SYT16: variants seen among roughly 807,000 people sequenced by gnomAD.
SYT16 encodes the protein synaptotagmin 16, also known as synaptotagmin-16.
Under a neutral mutation model 61.4 loss-of-function variants are expected in SYT16, and 42 were observed. The ratio of observed to expected loss-of-function variants is 0.68; its 90% CI spans 0.53 to 0.89. The LOEUF (loss-of-function observed/expected upper bound fraction) is 0.89, where lower values mean the gene tolerates loss of function less well. Among genes scored for constraint, SYT16 ranks in the 40% least tolerant of loss-of-function variants. SYT16 has a pLI of 0.00. For synonymous variants in SYT16, 314 were observed against 302.3 expected (o/e 1.04, Z -0.40); for missense variants, 804 against 807.3 (o/e 1.00, Z 0.05).
chr14:62,090,940 A>G (rs1194422364), intron 7 of SYT16, among the ~76,000 whole-genome samples: 1 of 152,162 alleles, frequency 6.6e-6, no homozygotes. Context: ...AGATCTCATG[A>G]GATTTATTCA....
At chr14:62,057,450 C>G (rs1363675283) in intron 3 of SYT16, among the ~76,000 whole-genome samples, 1 of 151,946 alleles carries the variant, frequency 6.6e-6, no homozygotes, top group South Asian at 2.1e-4. Context: ...GGGGTAGGGT[C>G]GGACAAGTAA....
At chr14:61,963,359 G>A (rs950988586) in intron 1 of SYT16, among the ~76,000 whole-genome samples, 2 of 152,164 alleles carry the variant, frequency 1.3e-5, no homozygotes, top group African/African-American at 4.8e-5. Flanking sequence ...AATTAAAAGT[G>A]CTACTCCAGT....
At chr14:61,844,711 C>G (rs758093356) in intron 1 of SYT16, among the ~76,000 whole-genome samples, 1 of 152,168 alleles carries the variant, frequency 6.6e-6, no homozygotes, top group Non-Finnish European at 1.5e-5. Flanking sequence ...GTTGAACCAT[C>G]CTTGCATCCC....
chr14:62,063,108 C>T (rs2055899977), intron 3 of SYT16, among the ~76,000 whole-genome samples: 1 of 152,188 alleles, frequency 6.6e-6, no homozygotes, highest in African/African-American at 2.4e-5. Context: ...GAGCACTCCA[C>T]CTCCAGGCTT....
chr14:61,848,597 A>G (rs2046514835), intron 1 of SYT16, among the ~76,000 whole-genome samples: 1 of 152,148 alleles, frequency 6.6e-6, no homozygotes, highest in African/African-American at 2.4e-5. Context: ...TGTTTGCTCA[A>G]GAACCTTGGG....
At chr14:61,894,803 A>G (rs74940997) in intron 1 of SYT16, among the ~76,000 whole-genome samples, 3,793 of 152,292 alleles carry the variant, frequency 0.025, 57 homozygotes, top group Admixed American at 0.031. Flanking sequence ...ATGTTTTTAA[A>G]ACTTAAAATC....
At chr14:62,010,127 A>G (rs1409770581) in intron 3 of SYT16, among the ~76,000 whole-genome samples, 1 of 152,198 alleles carries the variant, frequency 6.6e-6, no homozygotes, top group Non-Finnish European at 1.5e-5. Context: ...TAGATTATAA[A>G]ATAGTCTATG....
intron 5 of SYT16, among the ~76,000 whole-genome samples, chr14:62,078,155 C>CTCTCTCTCTATATATATATATATATATA (rs766089633): frequency 7.4e-6 from 1 of 135,934 alleles, no homozygotes; most frequent in African/African-American, 2.9e-5. Context: ...CTCTCTCTCT[C>CTCTCTCTCTATATATATATATATATATA]TATATATATA....
chr14:61,927,741 C>G (rs1052204131), intron 1 of SYT16, among the ~76,000 whole-genome samples: 5 of 152,108 alleles, frequency 3.3e-5, no homozygotes, highest in African/African-American at 1.2e-4. Context: ...TTTACCCCTG[C>G]TAGGTGGGAA....
chr14:62,062,922 T>C (rs965120548), intron 3 of SYT16, among the ~76,000 whole-genome samples: 4 of 152,208 alleles, frequency 2.6e-5, no homozygotes, highest in African/African-American at 4.8e-5. Flanking sequence ...ATTAATAGGC[T>C]TGGAGCTACT....
chr14:62,062,076 G>A (rs1361186614), intron 3 of SYT16, among the ~76,000 whole-genome samples: 2 of 152,166 alleles, frequency 1.3e-5, no homozygotes, highest in Non-Finnish European at 2.9e-5. Flanking sequence ...GTTACTAATT[G>A]TAATGGAAGA....
At chr14:61,896,348 G>A (rs919159729) in intron 1 of SYT16, among the ~76,000 whole-genome samples, 4 of 152,160 alleles carry the variant, frequency 2.6e-5, no homozygotes, top group Non-Finnish European at 4.4e-5. Flanking sequence ...ACTGAAGTGA[G>A]GTTTTATCAC....
At chr14:62,024,050 A>G (rs1327592710) in intron 3 of SYT16, among the ~76,000 whole-genome samples, 3 of 152,118 alleles carry the variant, frequency 2.0e-5, no homozygotes, top group Non-Finnish European at 4.4e-5. Context: ...ATATTTTCTG[A>G]ATTTTTTCCT....
intron 1 of SYT16, among the ~76,000 whole-genome samples, chr14:61,928,025 G>C (rs1424448416): frequency 6.6e-6 from 1 of 152,186 alleles, no homozygotes; most frequent in African/African-American, 2.4e-5. Context: ...TCTGAGGGAA[G>C]GGGCTAGTTT....
chr14:61,930,357 C>G (rs1253405889), intron 1 of SYT16, among the ~76,000 whole-genome samples: 2 of 152,018 alleles, frequency 1.3e-5, no homozygotes, highest in African/African-American at 4.8e-5. Context: ...CCTCTCTCAC[C>G]TGGTCCTTTG....
In SYT16 at chr14:62,084,032, C is replaced by A. The variant is rs987242696; in HGVS notation, c.1435-164C>A. Among the ~76,000 whole-genome samples the A allele has an allele frequency of 2.0e-5, 3 of 152,214 alleles. No individual in the cohort carries two copies. The East Asian group carries it at 5.8e-4, about 29-fold the overall frequency. ...CCTAATGCAGGGATCTCATCCGTGA[C>A]TGTGCTCCCTGGGCCCATTGTAATT... On this transcript the variant is annotated intron_variant, in intron 6 of 7. Coordinates refer to ENST00000683842, the MANE Select transcript of SYT16 (RefSeq NM_001367656.1).
intron 6 of SYT16, among the ~76,000 whole-genome samples, chr14:62,082,180 C>A (rs2056733004): frequency 1.3e-5 from 2 of 152,092 alleles, no homozygotes; most frequent in Non-Finnish European, 2.9e-5. Flanking sequence ...ACAGCACATG[C>A]AAGCAGTCAG....
rs565494218 is a variant in SYT16, at chr14:61,947,862, C to T, written c.-324-22270C>T. 3.3e-5 allele frequency among the ~76,000 whole-genome samples: 5 copies of T among 152,254 alleles called. No individual in the cohort carries two copies. In the East Asian group the frequency reaches 5.8e-4, roughly 18 times the overall value. On this transcript the variant is annotated intron_variant, in intron 1 of 7. Coordinates refer to ENST00000683842, the MANE Select transcript of SYT16 (RefSeq NM_001367656.1). ...GGGACTTGGATAGGCTTTGTAGAGG[C>T]GTTGACTTTCCAGAGGGTCCTAACA...
At chr14:62,079,361 A>G (rs1162730499) in intron 5 of SYT16, 3 of 1,220,696 alleles carry the variant, frequency 2.5e-6, no homozygotes, top group East Asian at 5.7e-5. Context: ...TCTTAAAAGA[A>G]AAGGATATTT....
Sources: allele counts gnomAD v4.1 joint callset (sites outside exome capture counted in the v4.1 genomes callset), GRCh38; gene constraint gnomAD v4.1.1; transcripts MANE v1.5; gene names NCBI Gene and HGNC (gene_info 2026-07-23, HGNC 2026-07-21).